Variants in SMR3A observed in about 807,000 individuals in gnomAD.
SMR3A encodes the protein submaxillary gland androgen-regulated protein 3A.
For missense variants in SMR3A, 188 were observed against 163.0 expected (o/e 1.15, Z -0.84); for synonymous variants, 48 against 57.4 (o/e 0.84, Z 0.74).
intron 1 of SMR3A, among the ~76,000 whole-genome samples, chr4:70,361,430 C>A (rs949492736): frequency 1.3e-5 from 2 of 151,828 alleles, no homozygotes; most frequent in Non-Finnish European, 2.9e-5. Context: ...AAATTGTGAG[C>A]CAACTGTGAA....
chr4:70,364,356 T>G (rs1732215385), intron 2 of SMR3A, among the ~76,000 whole-genome samples: 1 of 151,778 alleles, frequency 6.6e-6, no homozygotes. Context: ...CAGATGAGAA[T>G]GAAAGCAAGA....
intron 2 of SMR3A, among the ~76,000 whole-genome samples, chr4:70,363,680 G>A (rs1732196457): frequency 6.6e-6 from 1 of 151,950 alleles, no homozygotes; most frequent in African/African-American, 2.4e-5. Flanking sequence ...GCTTATCACT[G>A]CGATTGGGTT....
At chr4:70,362,645 A>G (rs1345092858) in intron 2 of SMR3A, among the ~76,000 whole-genome samples, 1 of 151,890 alleles carries the variant, frequency 6.6e-6, no homozygotes, top group African/African-American at 2.4e-5. Context: ...ATAAACATTT[A>G]TAGTAACACC....
At chr4:70,365,405 C>T (rs1732238094) in intron 2 of SMR3A, among the ~76,000 whole-genome samples, 1 of 151,942 alleles carries the variant, frequency 6.6e-6, no homozygotes, top group South Asian at 2.1e-4. Context: ...AAAAATTGTA[C>T]TCTATGTAAA....
At chr4:70,363,480 A>T (rs1732192034) in intron 2 of SMR3A, among the ~76,000 whole-genome samples, 1 of 152,030 alleles carries the variant, frequency 6.6e-6, no homozygotes, top group Admixed American at 6.6e-5. Context: ...AGCAAGTCTC[A>T]CTATTTTTAA....
intron 2 of SMR3A, among the ~76,000 whole-genome samples, chr4:70,365,444 C>G (rs1329663288): frequency 3.3e-5 from 5 of 151,996 alleles, no homozygotes; most frequent in Non-Finnish European, 7.4e-5. Flanking sequence ...CCACCCTAGG[C>G]ACTTTACAGG....
intron 2 of SMR3A, among the ~76,000 whole-genome samples, chr4:70,366,010 G>C (rs539496202): frequency 6.6e-6 from 1 of 152,054 alleles, no homozygotes; most frequent in Admixed American, 6.6e-5. Flanking sequence ...GGTATTCAGA[G>C]GGCAAAAGAG....
intron 2 of SMR3A, among the ~76,000 whole-genome samples, chr4:70,363,186 C>T (rs1354508013): frequency 6.6e-6 from 1 of 151,830 alleles, no homozygotes; most frequent in Non-Finnish European, 1.5e-5. Flanking sequence ...TTTATTCAGG[C>T]TTTTATTATA....
At chr4:70,362,328 T>C (rs1383055847) in intron 2 of SMR3A, among the ~76,000 whole-genome samples, 159 bp downstream of exon 2, 2 of 151,912 alleles carry the variant, frequency 1.3e-5, no homozygotes, top group Non-Finnish European at 2.9e-5. Context: ...ATTTAAAATC[T>C]AATTTAATTT....
rs756501158 is a variant in SMR3A at position 70,365,659 on chromosome 4, CT to C, written c.55-984del. 4.6e-5 allele frequency among the ~76,000 whole-genome samples: 7 copies of C among 152,160 alleles called. No individual in the cohort carries two copies. The East Asian group carries it at 7.8e-4, about 17-fold the overall frequency. ...CCCTTTAGATCACATTTATCCCCCC[CT>C]GTATTGTAATTACTCAGCCTGTGGA... On this transcript the variant is annotated intron_variant, in intron 2 of 2. Coordinates refer to ENST00000226460, the MANE Select transcript of SMR3A (RefSeq NM_012390.4).
At chr4:70,364,034 A>G (rs994582580) in intron 2 of SMR3A, among the ~76,000 whole-genome samples, 43 of 152,138 alleles carry the variant, frequency 2.8e-4, no homozygotes, top group African/African-American at 9.9e-4. Context: ...GGTGATATGA[A>G]TAAAACTTTT....
In SMR3A at chr4:70,366,828, C is replaced by T. The variant is rs1421238148; in HGVS notation, c.239C>T (p.Pro80Leu). The change falls in exon 3 of 3, where the codon CCT (proline) becomes CTT (leucine). Residue 80 changes from proline to leucine, a missense_variant. Pro to Leu is a moderately conservative substitution (Grantham distance 98). Coordinates refer to ENST00000226460, the MANE Select transcript of SMR3A (RefSeq NM_012390.4). The part of the protein sequence containing the change: ...PYGPGRIPPS[P>L]PPPYGPGRIQ... ...GGTCCAGGGAGAATCCCACCATCCC[C>T]TCCTCCACCCTATGGTCCAGGGAGA... 3.1e-6 allele frequency: 5 copies of T among 1,613,522 alleles called. No individual in the cohort carries two copies. The highest frequency in any genetic ancestry group is 3.3e-5 in the Admixed American group (2 of 59,948).
At chr4:70,364,344 G>C (rs1272727707) in intron 2 of SMR3A, among the ~76,000 whole-genome samples, 2 of 151,906 alleles carry the variant, frequency 1.3e-5, no homozygotes, top group Non-Finnish European at 2.9e-5. Flanking sequence ...AAAAGTAAAT[G>C]ACAGATGAGA....
intron 1 of SMR3A, among the ~76,000 whole-genome samples, chr4:70,361,215 A>G (rs1426774804): frequency 2.0e-5 from 3 of 151,910 alleles, no homozygotes; most frequent in Non-Finnish European, 4.4e-5. Flanking sequence ...GGATCCTGGG[A>G]AAAGTAATCC....
chr4:70,361,639 G>C (rs1280170735), intron 1 of SMR3A, among the ~76,000 whole-genome samples: 2 of 151,322 alleles, frequency 1.3e-5, no homozygotes, highest in Non-Finnish European at 3.0e-5. Flanking sequence ...CCTTATTTTT[G>C]AGATATCCCA....
In SMR3A at chr4:70,361,593, C is replaced by T. The variant is rs149393569; in HGVS notation, c.-14-509C>T. Among the ~76,000 whole-genome samples the T allele has an allele frequency of 2.6e-5, 4 of 151,826 alleles. No individual in the cohort carries two copies. In the East Asian group the frequency reaches 7.7e-4, roughly 29 times the overall value. On this transcript the variant is annotated intron_variant, in intron 1 of 2. Coordinates refer to ENST00000226460, the MANE Select transcript of SMR3A (RefSeq NM_012390.4). ...AGATATATAATATGACTCTTTTTTT[C>T]TTACACTACATCAAACAGAGTGATT...
chr4:70,366,705 CT>C lies in SMR3A; in HGVS notation c.117del (p.Pro40HisfsTer82). 3 of 1,613,354 alleles carry C rather than the reference CT, an allele frequency of 1.9e-6. No individual in the cohort carries two copies. The highest frequency in any genetic ancestry group is 2.5e-6 in the Non-Finnish European group (3 of 1,179,548). On this transcript the variant is annotated frameshift_variant, in exon 3 of 3. Coordinates refer to ENST00000226460, the MANE Select transcript of SMR3A (RefSeq NM_012390.4). LOFTEE classifies it low-confidence loss of function (END_TRUNC). ...CCACCTGGACCACTGGCTCCTCCTC[CT>C]CCACCATGTTTTCCTTTTGGAACAG... is the stretch of plus-strand genomic sequence containing the variant. ...PYPPGPLAPP[P>X]PPCFPFGTGF...
intron 2 of SMR3A, among the ~76,000 whole-genome samples, chr4:70,366,334 AGCCAGG>A (rs1732260687): frequency 1.3e-5 from 2 of 151,552 alleles, no homozygotes; most frequent in Middle Eastern, 3.2e-3. Context: ...GCTGCCTATG[AGCCAGG>A]GGCCACTCTC....
Position 70,367,033 on chromosome 4 carries a change from A to G in SMR3A, c.*39A>G, listed in dbSNP as rs369901531. 224 of 1,546,512 alleles carry G rather than the reference A, an allele frequency of 1.4e-4. No homozygotes were observed. Among genetic ancestry groups the G allele is most frequent in the Non-Finnish European group, 1.9e-4 (213 of 1,122,388 alleles). ...CAACAGGTGCCACCACCCACAAAAGACAACACTACCCTCGTAACTACTGCT... is the reference window on the plus strand; with the variant it reads ...CAACAGGTGCCACCACCCACAAAAGGCAACACTACCCTCGTAACTACTGCT... On this transcript the variant is annotated 3_prime_UTR_variant, in exon 3 of 3. Coordinates refer to ENST00000226460, the MANE Select transcript of SMR3A (RefSeq NM_012390.4).
Sources: gnomAD v4.1 joint callset for allele counts (sites outside exome capture counted in the v4.1 genomes callset) on GRCh38, gnomAD v4.1.1 for gene constraint, MANE v1.5 for transcripts, NCBI Gene and HGNC (gene_info 2026-07-23, HGNC 2026-07-21) for gene names.